The following EDIL3 variants were observed in gnomAD, a reference collection of about 807,000 sequenced individuals.
The protein encoded by EDIL3 is EGF like and discoidin domains 3.
A neutral mutation model predicts 67.4 loss-of-function variants in EDIL3; 37 were observed. The observed-to-expected ratio is 0.55, with a 90% confidence interval of 0.42 to 0.72. The LOEUF is 0.72. EDIL3 is among the 30% of genes least tolerant of loss of function. The pLI, the probability that EDIL3 is intolerant of heterozygous loss-of-function variation, is 0.00. For synonymous variants in EDIL3, 195 were observed against 196.3 expected, an observed-to-expected ratio of 0.99 and a Z score of 0.05; for missense variants, 527 against 586.3, an observed-to-expected ratio of 0.90 and a Z score of 1.04.
At chr5:84,076,160 C>A (rs923204701) in intron 6 of EDIL3, among the ~76,000 whole-genome samples, 1 of 151,682 alleles carries the variant, frequency 6.6e-6, no homozygotes, top group Non-Finnish European at 1.5e-5. Context: ...TCTTTCAAAT[C>A]TAGCTTAAGA....
intron 1 of EDIL3, among the ~76,000 whole-genome samples, chr5:84,369,536 C>G (rs1472221775): frequency 1.3e-5 from 2 of 151,906 alleles, no homozygotes; most frequent in Non-Finnish European, 2.9e-5. Context: ...TTAGAGTAGT[C>G]AAAATCACAG....
chr5:84,043,261 CATTTT>C (rs1354619586), intron 9 of EDIL3, among the ~76,000 whole-genome samples: 2 of 152,148 alleles, frequency 1.3e-5, no homozygotes, highest in African/African-American at 4.8e-5. Flanking sequence ...GCATATGACT[CATTTT>C]ATTCATGACA....
chr5:84,006,465 T>C (rs1001975121), intron 9 of EDIL3, among the ~76,000 whole-genome samples: 22 of 152,092 alleles, frequency 1.4e-4, no homozygotes, highest in African/African-American at 4.1e-4. Flanking sequence ...CACAGGAACA[T>C]ACTGTGTAAC....
Position 84,384,544 on chromosome 5 carries a change from G to A in EDIL3, c.-170C>T. On this transcript the variant is annotated 5_prime_UTR_variant, in exon 1 of 11. Coordinates refer to ENST00000296591, the MANE Select transcript of EDIL3 (RefSeq NM_005711.5). ...ACAAATTCTTGGAGAGGGCGAGAGT[G>A]GTGACTAAAGAGAGGAGCCTTTCCT... 4 of 591,722 alleles carry A rather than the reference G, an allele frequency of 6.8e-6. No individual in the cohort carries two copies. Among genetic ancestry groups the A allele is most frequent in the East Asian group, 3.2e-5 (1 of 30,856 alleles). The allele number at this position is 591,722 out of a possible 1,614,324, so 36.7% of individuals were successfully genotyped here.
rs144068178 is a variant in EDIL3, at chr5:84,049,590, T to G, written c.1137+10710A>C. ...ATCTATCCTAACCATGAGTTAGGAA[T>G]GTCCAATTAGGAGTATGGAATAATT... On this transcript the variant is annotated intron_variant, in intron 9 of 10. Coordinates refer to ENST00000296591, the MANE Select transcript of EDIL3 (RefSeq NM_005711.5). 2.2e-4 allele frequency among the ~76,000 whole-genome samples: 33 copies of G among 152,340 alleles called. 3 individuals carry two copies. Among genetic ancestry groups the G allele is most frequent in the Admixed American group, 1.5e-3 (23 of 15,302 alleles).
Position 84,022,634 on chromosome 5 carries a change from G to A in EDIL3, c.1137+37666C>T, listed in dbSNP as rs182836591. Among the ~76,000 whole-genome samples the A allele has an allele frequency of 1.1e-3, 166 of 151,352 alleles. 5 individuals carry two copies. In the Middle Eastern group the frequency reaches 0.024, roughly 22 times the overall value. On this transcript the variant is annotated intron_variant, in intron 9 of 10. Transcript: ENST00000296591. The stretch of plus-strand genomic sequence containing the variant: ...GAGGTCATGATGTCAAGTGAAATAA[G>A]CCAGGCACAGACAGACAGACAGACA...
intron 5 of EDIL3, among the ~76,000 whole-genome samples, chr5:84,107,570 G>T (rs1747486762): frequency 1.3e-5 from 2 of 151,294 alleles, no homozygotes; most frequent in African/African-American, 4.8e-5. Flanking sequence ...TACATATTGG[G>T]ATTCTGCATG....
In EDIL3 at chr5:84,291,869, A is replaced by G. The variant is rs187559684; in HGVS notation, c.68-37657T>C. 2.3e-4 allele frequency among the ~76,000 whole-genome samples: 34 copies of G among 150,932 alleles called. No homozygotes were observed. In the East Asian group the frequency reaches 6.6e-3, roughly 29 times the overall value. On this transcript the variant is annotated intron_variant, in intron 1 of 10. Transcript: ENST00000296591. Reference sequence around the variant, plus strand: ...TACCTACAGGCCCTGGATATATAGAAAGTAATAACTTTAACAAAAGTATAG... The same window carrying G: ...TACCTACAGGCCCTGGATATATAGAGAGTAATAACTTTAACAAAAGTATAG...
intron 4 of EDIL3, among the ~76,000 whole-genome samples, chr5:84,168,035 C>T (rs1748740667): frequency 6.6e-6 from 1 of 152,104 alleles, no homozygotes; most frequent in South Asian, 2.1e-4. Flanking sequence ...TCTAAGTCTG[C>T]TTATTTCCAA....
intron 6 of EDIL3, among the ~76,000 whole-genome samples, chr5:84,071,414 G>A (rs778316705): frequency 1.3e-5 from 2 of 152,172 alleles, no homozygotes; most frequent in Non-Finnish European, 2.9e-5. Flanking sequence ...GTCTAATGGA[G>A]AACAGATTCA....
At chr5:84,369,221 A>AT (rs887137924) in intron 1 of EDIL3, among the ~76,000 whole-genome samples, 1 of 116,572 alleles carries the variant, frequency 8.6e-6, no homozygotes, top group Admixed American at 8.5e-5. Context: ...ATGTATATAT[A>AT]ATATATATAA....
rs183537978 is a variant in EDIL3 at position 84,361,331 on chromosome 5, T to A, written c.67+22977A>T. The stretch of plus-strand genomic sequence containing the variant: ...TCAGATTTCTAAAGCAAGATGAATG[T>A]CTTGCTATACAATGTTTTCTTGAAC... On this transcript the variant is annotated intron_variant, in intron 1 of 10. Transcript: ENST00000296591. Among the ~76,000 whole-genome samples the A allele has an allele frequency of 3.1e-3, 465 of 151,836 alleles. 2 individuals carry two copies. Among genetic ancestry groups the A allele is most frequent in the African/African-American group, 0.01 (429 of 41,400 alleles).
rs1008172581 is a variant in EDIL3 at position 84,371,341 on chromosome 5, A to ATATATATATATATATATGTGTG, written c.67+12966_67+12967insCACACATATATATATATATATA. ...AAAGTATATATATATATATATATAT[A>ATATATATATATATATATGTGTG]TGTGTGTGTGTATATATATGTGTGT... On this transcript the variant is annotated intron_variant, in intron 1 of 10. Transcript: ENST00000296591. Among the ~76,000 whole-genome samples, 333 of 129,632 alleles carry ATATATATATATATATATGTGTG rather than the reference A, an allele frequency of 2.6e-3. 3 individuals carry two copies. The highest frequency in any genetic ancestry group is 8.7e-3 in the African/African-American group (319 of 36,572). The allele number at this position is 129,632 out of a possible 152,430, so 85.0% of individuals were successfully genotyped here.
In EDIL3 at chr5:84,384,183, C is replaced by T. The variant is rs149041609; in HGVS notation, c.67+125G>A. 4.1e-4 allele frequency: 514 copies of T among 1,238,866 alleles called. 3 individuals are homozygous for T. The African/African-American group carries it at 7.2e-3, about 17-fold the overall frequency. The allele number at this position is 1,238,866 out of a possible 1,614,324, so 76.7% of individuals were successfully genotyped here. ...GGCACCCAGGACTCGACGCCTCCTC[C>T]GCGCCGCCAGCGGCGCTCGCCACCC... is the stretch of plus-strand genomic sequence containing the variant. On this transcript the variant is annotated intron_variant, in intron 1 of 10. Coordinates refer to ENST00000296591, the MANE Select transcript of EDIL3 (RefSeq NM_005711.5).
At chr5:84,362,500 A>G (rs539181336) in intron 1 of EDIL3, among the ~76,000 whole-genome samples, 1 of 152,310 alleles carries the variant, frequency 6.6e-6, no homozygotes, top group Admixed American at 6.5e-5. Flanking sequence ...TGACTTCAAT[A>G]TCATTTTTAT....
At chr5:84,017,449 A>T (rs1745626744) in intron 9 of EDIL3, among the ~76,000 whole-genome samples, 1 of 152,196 alleles carries the variant, frequency 6.6e-6, no homozygotes, top group African/African-American at 2.4e-5. Flanking sequence ...TTTGTTTATG[A>T]ATTTAAAAGT....
chr5:84,060,033 TAATCA>T (rs1206509017), intron 9 of EDIL3, among the ~76,000 whole-genome samples: 1 of 152,184 alleles, frequency 6.6e-6, no homozygotes, highest in Non-Finnish European at 1.5e-5. Flanking sequence ...AATGCTCTCC[TAATCA>T]ATCAATTGAC....
intron 9 of EDIL3, among the ~76,000 whole-genome samples, chr5:83,971,590 C>G (rs1342213523): frequency 1.3e-5 from 2 of 151,912 alleles, no homozygotes; most frequent in East Asian, 3.9e-4. Flanking sequence ...ATATTTCCCA[C>G]TTAAAATTTT....
chr5:83,989,234 T>G (rs934480944), intron 9 of EDIL3, among the ~76,000 whole-genome samples: 4 of 152,124 alleles, frequency 2.6e-5, no homozygotes, highest in Non-Finnish European at 5.9e-5. Context: ...CACTCCTCCC[T>G]ATCTGCTCTT....
Sources: gnomAD v4.1 joint callset for allele counts (sites outside exome capture counted in the v4.1 genomes callset) on GRCh38, gnomAD v4.1.1 for gene constraint, MANE v1.5 for transcripts, NCBI Gene and HGNC (gene_info 2026-07-23, HGNC 2026-07-21) for gene names.